Variants in SFMBT2 observed in about 807,000 individuals in gnomAD.
SFMBT2 encodes the protein scm-like with four MBT domains protein 2.
Under a neutral mutation model 110.1 loss-of-function variants are expected in SFMBT2, and 38 were observed. The ratio of observed to expected loss-of-function variants is 0.35; its 90% CI spans 0.27 to 0.45. SFMBT2 has a LOEUF of 0.45. Among genes scored for constraint, SFMBT2 ranks in the 20% least tolerant of loss-of-function variants. SFMBT2 has a pLI of 1.00. For missense variants in SFMBT2, 1,011 were observed against 1,094.9 expected, an observed-to-expected ratio of 0.92 and a Z score of 1.08; for synonymous variants, 425 against 425.4, an observed-to-expected ratio of 1.00 and a Z score of 0.01.
At chr10:7,192,085 C>T (rs1448693303) in intron 15 of SFMBT2, among the ~76,000 whole-genome samples, 1 of 152,176 alleles carries the variant, frequency 6.6e-6, no homozygotes, top group African/African-American at 2.4e-5. Flanking sequence ...GCCAACCTTC[C>T]CTCAGCACCC....
At chr10:7,188,234 T>G (rs1838482084) in intron 16 of SFMBT2, among the ~76,000 whole-genome samples, 1 of 152,220 alleles carries the variant, frequency 6.6e-6, no homozygotes, top group South Asian at 2.1e-4. Flanking sequence ...GCATTTGCAT[T>G]TAGCATAGTC....
intron 3 of SFMBT2, chr10:7,368,421 G>A (rs1844969951): frequency 1.1e-6 from 1 of 944,448 alleles, no homozygotes; most frequent in African/African-American, 1.8e-5. Flanking sequence ...CAGCCTGGTG[G>A]GTCTTAACAT....
At chr10:7,325,024 A>T (rs1204929691) in intron 4 of SFMBT2, among the ~76,000 whole-genome samples, 1 of 143,772 alleles carries the variant, frequency 7.0e-6, no homozygotes, top group Non-Finnish European at 1.5e-5. Context: ...CTGGAGTGCA[A>T]TGGCACGATC....
intron 7 of SFMBT2, among the ~76,000 whole-genome samples, chr10:7,252,665 T>G (rs1332978516): frequency 6.6e-6 from 1 of 152,206 alleles, no homozygotes; most frequent in Non-Finnish European, 1.5e-5. Context: ...GTGAGCATTA[T>G]TCCAAAAATT....
At chr10:7,393,176 G>C (rs1056650764) in intron 1 of SFMBT2, among the ~76,000 whole-genome samples, 2 of 151,470 alleles carry the variant, frequency 1.3e-5, no homozygotes, top group East Asian at 3.9e-4. Flanking sequence ...GATTACACGT[G>C]CATGTAACCA....
chr10:7,410,165 G>A (rs965380071), intron 1 of SFMBT2, among the ~76,000 whole-genome samples: 1 of 152,238 alleles, frequency 6.6e-6, no homozygotes, highest in African/African-American at 2.4e-5. Flanking sequence ...CTAAGTGACA[G>A]GATATTACTT....
chr10:7,206,794 G>A (rs1046598063), intron 11 of SFMBT2: 108 of 897,566 alleles, frequency 1.2e-4, no homozygotes, highest in Non-Finnish European at 8.9e-5. Context: ...AAGAAAATTC[G>A]ACACCAAATC....
At chr10:7,266,716 C>A (rs1841405641) in intron 7 of SFMBT2, among the ~76,000 whole-genome samples, 1 of 152,172 alleles carries the variant, frequency 6.6e-6, no homozygotes. Context: ...AGCCAGGAAA[C>A]AAGCTCTGGC....
rs1005417050 is a variant in SFMBT2 at position 7,383,707 on chromosome 10, C to T, written c.-51-1758G>A. On this transcript the variant is annotated intron_variant, in intron 1 of 20. Coordinates refer to ENST00000397167, the MANE Select transcript of SFMBT2 (RefSeq NM_001387889.1). ...GGGAATGACAGTGCAACAGAGAAGG[C>T]CCCTGTCAATGCGAGATTATCGCTC... Among the ~76,000 whole-genome samples the T allele has an allele frequency of 1.5e-4, 23 of 152,280 alleles. No homozygotes were observed. The East Asian group carries it at 3.1e-3, about 20-fold the overall frequency.
At chr10:7,244,723 G>C (rs1292488761) in intron 8 of SFMBT2, among the ~76,000 whole-genome samples, 2 of 152,192 alleles carry the variant, frequency 1.3e-5, no homozygotes, top group African/African-American at 2.4e-5. Context: ...GAAACCTTGA[G>C]AGTTTTACAA....
At chr10:7,219,731 T>A (rs1839663124) in intron 11 of SFMBT2, 5 of 374,574 alleles carry the variant, frequency 1.3e-5, no homozygotes, top group Non-Finnish European at 1.5e-5. Context: ...GAATTATAAA[T>A]CACAGAAAGA....
chr10:7,388,115 C>T (rs1330130865), intron 1 of SFMBT2, among the ~76,000 whole-genome samples: 1 of 152,088 alleles, frequency 6.6e-6, no homozygotes, highest in Non-Finnish European at 1.5e-5. Flanking sequence ...GTACTGATCC[C>T]CCATTCCATG....
At chr10:7,210,193 G>A (rs889834327) in intron 11 of SFMBT2, among the ~76,000 whole-genome samples, 4 of 152,152 alleles carry the variant, frequency 2.6e-5, no homozygotes, top group Admixed American at 6.5e-5. Context: ...CCACCCAGCC[G>A]ATGACACAGG....
At chr10:7,397,470 T>A (rs1048555472) in intron 1 of SFMBT2, among the ~76,000 whole-genome samples, 4 of 152,112 alleles carry the variant, frequency 2.6e-5, no homozygotes, top group African/African-American at 9.7e-5. Flanking sequence ...CCAGACATGC[T>A]GTAGCCACCC....
intron 11 of SFMBT2, among the ~76,000 whole-genome samples, chr10:7,211,678 C>G (rs575909765): frequency 7.9e-5 from 12 of 152,148 alleles, no homozygotes; most frequent in Non-Finnish European, 1.3e-4. Flanking sequence ...AGCTTCTCCC[C>G]CTAAGGTTTC....
intron 7 of SFMBT2, among the ~76,000 whole-genome samples, chr10:7,257,815 T>C (rs1477418574): frequency 6.6e-6 from 1 of 152,214 alleles, no homozygotes; most frequent in East Asian, 1.9e-4. Flanking sequence ...TATAAAATTG[T>C]GAAAGATGAG....
intron 4 of SFMBT2, among the ~76,000 whole-genome samples, chr10:7,326,015 T>C (rs1183087956): frequency 6.6e-6 from 1 of 152,254 alleles, no homozygotes; most frequent in African/African-American, 2.4e-5. Flanking sequence ...TAGTCATACG[T>C]AAAATTGTCC....
intron 1 of SFMBT2, among the ~76,000 whole-genome samples, chr10:7,403,864 T>A (rs1846145687): frequency 6.6e-6 from 1 of 152,148 alleles, no homozygotes; most frequent in African/African-American, 2.4e-5. Context: ...ATAGATGAAA[T>A]ATAAATATGA....
chr10:7,171,622 C>T lies in SFMBT2; in HGVS notation c.2415+273G>A, dbSNP rs1348628848. 2.1e-6 allele frequency: 2 copies of T among 959,534 alleles called. No homozygotes were observed. The highest frequency in any genetic ancestry group is 3.5e-5 in the African/African-American group (2 of 56,728). The allele number at this position is 959,534 out of a possible 1,614,324, so 59.4% of individuals were successfully genotyped here. On this transcript the variant is annotated intron_variant, in intron 19 of 20. Transcript: ENST00000397167. The surrounding 1 kb of genome is among the most constrained non-coding windows in gnomAD (Gnocchi z 4.9). ...CCCAGACTTCAAAGGAAACTGAGGA[C>T]TGTGCCCTCCTCCTGACAAGAACCC...
Sources: gnomAD v4.1 joint callset for allele counts (sites outside exome capture counted in the v4.1 genomes callset) on GRCh38, gnomAD v4.1.1 for gene constraint, Gnocchi (gnomAD v3.1) non-coding constraint, MANE v1.5 for transcripts, NCBI Gene and HGNC (gene_info 2026-07-23, HGNC 2026-07-21) for gene names.